TCERG1L: variants seen among roughly 807,000 people sequenced by gnomAD.
TCERG1L encodes the protein transcription elongation regulator 1 like.
Under a neutral mutation model 56.3 loss-of-function variants are expected in TCERG1L, and 37 were observed. The observed-to-expected ratio is 0.66, with a 90% CI of 0.51 to 0.87. The LOEUF is 0.87. Among genes scored for constraint, TCERG1L ranks in the 40% least tolerant of loss-of-function variants. The pLI is 0.00. For missense variants in TCERG1L, 799 were observed against 774.2 expected (o/e 1.03, Z -0.38); for synonymous variants, 324 against 326.3 (o/e 0.99, Z 0.08).
chr10:131,172,628 A>G (rs1330110558), intron 4 of TCERG1L, among the ~76,000 whole-genome samples: 2 of 152,200 alleles, frequency 1.3e-5, no homozygotes, highest in African/African-American at 4.8e-5. Flanking sequence ...CTGGGAGCAG[A>G]CCCTGAGACC....
At chr10:131,193,965 G>A (rs947061302) in intron 4 of TCERG1L, among the ~76,000 whole-genome samples, 2 of 152,204 alleles carry the variant, frequency 1.3e-5, no homozygotes, top group Non-Finnish European at 2.9e-5. Flanking sequence ...ACCCCAGAAG[G>A]GGAGTGGCTG....
intron 7 of TCERG1L, among the ~76,000 whole-genome samples, chr10:131,137,453 A>G (rs1035005240): frequency 2.0e-5 from 3 of 152,130 alleles, no homozygotes; most frequent in African/African-American, 7.2e-5. Flanking sequence ...CCTCCGCCTG[A>G]CTGCCTTTCT....
chr10:131,263,617 C>T (rs906601727), intron 3 of TCERG1L, among the ~76,000 whole-genome samples: 4 of 152,236 alleles, frequency 2.6e-5, no homozygotes, highest in African/African-American at 9.6e-5. Flanking sequence ...CCACCTCCAT[C>T]GTAATAGGTG....
Position 131,270,474 on chromosome 10 carries a change from G to T in TCERG1L, c.671-10030C>A, listed in dbSNP as rs139344754. Among the ~76,000 whole-genome samples, 9 of 152,344 alleles carry T rather than the reference G, an allele frequency of 5.9e-5. No homozygotes were observed. The East Asian group carries it at 1.7e-3, about 29-fold the overall frequency. On this transcript the variant is annotated intron_variant, in intron 3 of 11. Coordinates refer to ENST00000368642, the MANE Select transcript of TCERG1L (RefSeq NM_174937.4). ...GCTAAGCCAGCTCAGAGATAAGCCAGAAATGCTATCCCACAAGGATGGCTT... is the reference window on the plus strand; with the variant it reads ...GCTAAGCCAGCTCAGAGATAAGCCATAAATGCTATCCCACAAGGATGGCTT...
rs572193461 is a variant in TCERG1L at position 131,124,720 on chromosome 10, A to T, written c.1260-7786T>A. 7.2e-5 allele frequency among the ~76,000 whole-genome samples: 11 copies of T among 152,150 alleles called. No homozygotes were observed. In the East Asian group the frequency reaches 1.9e-3, roughly 27 times the overall value. ...CAAGCTCCACCTTCTTTATCCCCCA[A>T]ATGACAACAACAACAACAACAGGAT... On this transcript the variant is annotated intron_variant, in intron 8 of 11. Coordinates refer to ENST00000368642, the MANE Select transcript of TCERG1L (RefSeq NM_174937.4).
chr10:131,307,779 T>C (rs1039184532), intron 3 of TCERG1L, among the ~76,000 whole-genome samples: 1 of 152,162 alleles, frequency 6.6e-6, no homozygotes, highest in African/African-American at 2.4e-5. Context: ...TCACCCGCAA[T>C]GTGAAGGCAA....
chr10:131,197,166 T>G (rs1401579122), intron 4 of TCERG1L, among the ~76,000 whole-genome samples: 2 of 130,548 alleles, frequency 1.5e-5, no homozygotes, highest in Non-Finnish European at 3.2e-5. Flanking sequence ...TAGGGCCAAA[T>G]AGTTTCCTTC....
chr10:131,299,601 T>G (rs1846738327), intron 3 of TCERG1L, among the ~76,000 whole-genome samples: 1 of 147,968 alleles, frequency 6.8e-6, no homozygotes, highest in Non-Finnish European at 1.5e-5. Flanking sequence ...TAGATGTTCC[T>G]TAGATGTCCT....
chr10:131,270,900 G>GCCCCCTCCCCA (rs1397523040), intron 3 of TCERG1L, among the ~76,000 whole-genome samples: 2 of 152,138 alleles, frequency 1.3e-5, no homozygotes, highest in East Asian at 3.9e-4. Context: ...CTGGGGCCAG[G>GCCCCCTCCCCA]CCCCCTCCCC....
intron 6 of TCERG1L, among the ~76,000 whole-genome samples, chr10:131,155,715 G>A (rs1006970014): frequency 6.6e-5 from 10 of 152,300 alleles, no homozygotes; most frequent in Non-Finnish European, 1.2e-4. Flanking sequence ...GCTGGTGGCT[G>A]CCTGGGAACG....
At chr10:131,154,101 A>G (rs1049506692) in intron 6 of TCERG1L, among the ~76,000 whole-genome samples, 2 of 152,136 alleles carry the variant, frequency 1.3e-5, no homozygotes, top group African/African-American at 4.8e-5. Context: ...CCCTTCTTTA[A>G]TCACACTGTA....
In TCERG1L at chr10:131,234,859, A is replaced by G. The variant is rs1038064234; in HGVS notation, c.856+25400T>C. On this transcript the variant is annotated intron_variant, in intron 4 of 11. Coordinates refer to ENST00000368642, the MANE Select transcript of TCERG1L (RefSeq NM_174937.4). ...GCTGGGACTACAGGCGTGCGCCACC[A>G]CGCCTAGCTAATTTTTGTATTTTTA... 2.0e-5 allele frequency among the ~76,000 whole-genome samples: 3 copies of G among 152,110 alleles called. 1 individual carries two copies. The highest frequency in any genetic ancestry group is 2.4e-5 in the African/African-American group (1 of 41,420).
chr10:131,228,806 C>T (rs1163243453), intron 4 of TCERG1L, among the ~76,000 whole-genome samples: 1 of 95,916 alleles, frequency 1.0e-5, no homozygotes, highest in Admixed American at 9.1e-5. Context: ...CAGGCATTTC[C>T]TCAAGGCCTC....
intron 7 of TCERG1L, 71 bp from the exon 8 acceptor site, chr10:131,134,519 A>G (rs1291470420): frequency 7.6e-6 from 9 of 1,188,716 alleles, no homozygotes; most frequent in Non-Finnish European, 9.8e-6. Flanking sequence ...ACCAGGTGAC[A>G]CTCACTTTCA....
At chr10:131,301,960 A>G (rs1019650606) in intron 3 of TCERG1L, among the ~76,000 whole-genome samples, 1 of 152,172 alleles carries the variant, frequency 6.6e-6, no homozygotes, top group East Asian at 1.9e-4. Context: ...GCAAAAGTTG[A>G]TAAGAAGAAT....
intron 4 of TCERG1L, among the ~76,000 whole-genome samples, chr10:131,174,518 G>A (rs1444728854): frequency 5.9e-5 from 9 of 151,752 alleles, no homozygotes; most frequent in African/African-American, 2.2e-4. Context: ...CTGCAGCTCC[G>A]CCCGCCTCTC....
intron 4 of TCERG1L, among the ~76,000 whole-genome samples, chr10:131,256,988 GGAAGGAAAGAAAGAAAGAAAGAAAGAAA>G (rs1846172548): frequency 1.4e-5 from 1 of 72,850 alleles, no homozygotes; most frequent in Admixed American, 1.4e-4. Flanking sequence ...AAGGAAGGAA[GGAAGGAAAGAAAGAAAGAAAGAAAGAAA>G]GAAAGAAAGA....
At chr10:131,223,234 T>G (rs939359562) in intron 4 of TCERG1L, among the ~76,000 whole-genome samples, 2 of 152,190 alleles carry the variant, frequency 1.3e-5, no homozygotes, top group African/African-American at 4.8e-5. Context: ...CCATGGGAAC[T>G]GGGTGCCTCT....
chr10:131,159,951 T>C (rs556465883), intron 6 of TCERG1L, among the ~76,000 whole-genome samples: 2 of 152,298 alleles, frequency 1.3e-5, no homozygotes, highest in South Asian at 2.1e-4. Context: ...GGTCTGCCAA[T>C]ACTCACATCC....
Sources: allele counts gnomAD v4.1 joint callset (sites outside exome capture counted in the v4.1 genomes callset), GRCh38; gene constraint gnomAD v4.1.1; transcripts MANE v1.5; gene names NCBI Gene and HGNC (gene_info 2026-07-23, HGNC 2026-07-21).